The following ADAMTSL3 variants were observed in gnomAD, a reference collection of about 807,000 sequenced individuals.
ADAMTSL3 encodes the protein ADAMTS-like protein 3.
Under a neutral mutation model 201.7 loss-of-function variants are expected in ADAMTSL3, and 128 were observed. The ratio of observed to expected loss-of-function variants is 0.63; its 90% CI spans 0.55 to 0.73. The LOEUF (loss-of-function observed/expected upper bound fraction) is 0.73. Among genes scored for constraint, ADAMTSL3 ranks in the 30% least tolerant of loss-of-function variants. ADAMTSL3 has a pLI of 0.00. For synonymous variants in ADAMTSL3, 738 were observed against 748.4 expected, an observed-to-expected ratio of 0.99 and a Z score of 0.23; for missense variants, 1,990 against 2,119.6, an observed-to-expected ratio of 0.94 and a Z score of 1.20.
rs2068007861 is a variant in ADAMTSL3, at chr15:84,011,629, A to C, written c.3974-2913A>C. 1.3e-5 allele frequency among the ~76,000 whole-genome samples: 2 copies of C among 152,210 alleles called. 1 individual carries two copies. The highest frequency in any genetic ancestry group is 4.1e-4 in the South Asian group (2 of 4,830). ...AATAAGACAAGAAAAAGAAATCAGA[A>C]GTATACATATTGGAAAGGAAGAGAA... On this transcript the variant is annotated intron_variant, in intron 23 of 29. Transcript: ENST00000286744.
At chr15:83,906,368 A>G (rs2065832599) in intron 15 of ADAMTSL3, among the ~76,000 whole-genome samples, 1 of 152,076 alleles carries the variant, frequency 6.6e-6, no homozygotes, top group South Asian at 2.1e-4. Context: ...CTTCCCATTC[A>G]GGGGCATGTG....
At chr15:83,790,029 C>G (rs1156248709) in intron 4 of ADAMTSL3, among the ~76,000 whole-genome samples, 1 of 151,578 alleles carries the variant, frequency 6.6e-6, no homozygotes, top group Non-Finnish European at 1.5e-5. Flanking sequence ...CAAAAGATAT[C>G]CTTAATATGA....
chr15:84,023,067 G>C (rs2068234627), intron 26 of ADAMTSL3, among the ~76,000 whole-genome samples: 1 of 151,984 alleles, frequency 6.6e-6, no homozygotes, highest in Admixed American at 6.6e-5. Flanking sequence ...TGTCTGTCTT[G>C]CTCTCCCACT....
intron 27 of ADAMTSL3, among the ~76,000 whole-genome samples, chr15:84,028,905 TC>T (rs2068355714): frequency 6.6e-6 from 1 of 152,190 alleles, no homozygotes; most frequent in Non-Finnish European, 1.5e-5. Flanking sequence ...AAGAGGCTTT[TC>T]CCCCTTTGGC....
At chr15:83,674,692 TAC>T (rs749908926) in intron 2 of ADAMTSL3, among the ~76,000 whole-genome samples, 1 of 148,074 alleles carries the variant, frequency 6.8e-6, no homozygotes, top group East Asian at 2.0e-4. Context: ...TATACATATA[TAC>T]ACATATATAT....
At chr15:83,991,323 T>C in intron 23 of ADAMTSL3, 109 bp downstream of exon 23, 2 of 1,504,210 alleles carry the variant, frequency 1.3e-6, no homozygotes, top group Admixed American at 2.0e-5. Context: ...GACCTCAGCC[T>C]GATAGGCTTA....
At chr15:83,843,454 C>A (rs2064426587) in intron 7 of ADAMTSL3, among the ~76,000 whole-genome samples, 1 of 152,172 alleles carries the variant, frequency 6.6e-6, no homozygotes, top group Admixed American at 6.5e-5. Context: ...CATCTTGATT[C>A]TAATTATGGC....
Position 83,780,236 on chromosome 15 carries a change from C to T in ADAMTSL3, c.317+6586C>T, listed in dbSNP as rs1034794896. ...ACCAGCCTGACCAACATGGTGAAAC[C>T]CTGTCTCTATTAAAAATACAAAAAT... is the stretch of plus-strand genomic sequence containing the variant. On this transcript the variant is annotated intron_variant, in intron 4 of 29. Coordinates refer to ENST00000286744, the MANE Select transcript of ADAMTSL3 (RefSeq NM_207517.3). Among the ~76,000 whole-genome samples, 3 of 151,962 alleles carry T rather than the reference C, an allele frequency of 2.0e-5. No homozygotes were observed. The South Asian group carries it at 6.2e-4, about 32-fold the overall frequency.
chr15:83,864,947 C>G (rs957512606), intron 8 of ADAMTSL3, among the ~76,000 whole-genome samples: 1 of 152,196 alleles, frequency 6.6e-6, no homozygotes, highest in Non-Finnish European at 1.5e-5. Context: ...GCAAAAATCA[C>G]AAGCATTCTT....
At chr15:83,850,786 C>T (rs2064596577) in intron 7 of ADAMTSL3, among the ~76,000 whole-genome samples, 2 of 152,160 alleles carry the variant, frequency 1.3e-5, no homozygotes, top group Admixed American at 1.3e-4. Flanking sequence ...TGGCTCCTGC[C>T]TCCTTAAAAT....
At chr15:83,917,797 T>TGTATC (rs2066066299) in intron 16 of ADAMTSL3, among the ~76,000 whole-genome samples, 1 of 152,160 alleles carries the variant, frequency 6.6e-6, no homozygotes, top group Non-Finnish European at 1.5e-5. Flanking sequence ...AGTTGTGGTT[T>TGTATC]ATTTTGCTAA....
intron 3 of ADAMTSL3, among the ~76,000 whole-genome samples, chr15:83,722,167 T>A (rs2062110298): frequency 6.6e-6 from 1 of 152,230 alleles, no homozygotes; most frequent in South Asian, 2.1e-4. Context: ...CGGGAGATGC[T>A]GGATTCAGCA....
At chr15:83,700,383 T>G (rs913486123) in intron 2 of ADAMTSL3, among the ~76,000 whole-genome samples, 1 of 152,250 alleles carries the variant, frequency 6.6e-6, no homozygotes, top group African/African-American at 2.4e-5. Flanking sequence ...GATTGGTTAG[T>G]CTCCTAACTC....
At chr15:83,675,185 A>G (rs1031460834) in intron 2 of ADAMTSL3, among the ~76,000 whole-genome samples, 1 of 152,084 alleles carries the variant, frequency 6.6e-6, no homozygotes, top group African/African-American at 2.4e-5. Context: ...AAGGGATATA[A>G]GACCTAAAAT....
At chr15:83,765,009 T>A (rs1452343469) in intron 3 of ADAMTSL3, among the ~76,000 whole-genome samples, 1 of 152,106 alleles carries the variant, frequency 6.6e-6, no homozygotes, top group Non-Finnish European at 1.5e-5. Context: ...TAGGAAAGTG[T>A]CAACCAAATC....
chr15:83,724,561 T>C (rs1339714711), intron 3 of ADAMTSL3, among the ~76,000 whole-genome samples: 4 of 152,128 alleles, frequency 2.6e-5, no homozygotes, highest in Admixed American at 2.0e-4. Flanking sequence ...AGTCAAATTA[T>C]ACTCTCAGTT....
intron 4 of ADAMTSL3, among the ~76,000 whole-genome samples, chr15:83,787,856 C>G (rs1394699967): frequency 6.6e-6 from 1 of 152,034 alleles, no homozygotes; most frequent in Non-Finnish European, 1.5e-5. Context: ...CAACCTCTCC[C>G]TCCAGTCTGT....
chr15:83,728,828 G>A (rs1414929159), intron 3 of ADAMTSL3, among the ~76,000 whole-genome samples: 1 of 151,856 alleles, frequency 6.6e-6, no homozygotes, highest in Non-Finnish European at 1.5e-5. Flanking sequence ...TTTCTGTGTA[G>A]CTACTATTAC....
chr15:83,862,460 A>G (rs887550316), intron 8 of ADAMTSL3: 4 of 152,236 alleles, frequency 2.6e-5, no homozygotes, highest in African/African-American at 4.8e-5. Context: ...GTGGGGGCCA[A>G]TATTCAAAAT....
Sources: allele counts gnomAD v4.1 joint callset (sites outside exome capture counted in the v4.1 genomes callset), GRCh38; gene constraint gnomAD v4.1.1; transcripts MANE v1.5; gene names NCBI Gene and HGNC (gene_info 2026-07-23, HGNC 2026-07-21).